Variants in TTLL11 observed in about 807,000 individuals in gnomAD.
TTLL11 encodes the protein tubulin tyrosine ligase like 11, also known as tubulin polyglutamylase TTLL11.
A neutral mutation model predicts 51.7 loss-of-function variants in TTLL11; 42 were observed. The ratio of observed to expected loss-of-function variants is 0.81; its 90% CI spans 0.64 to 1.05. The LOEUF (loss-of-function observed/expected upper bound fraction) is 1.05, where lower values mean the gene tolerates loss of function less well. Among genes scored for constraint, TTLL11 ranks in the 50% least tolerant of loss-of-function variants. TTLL11 has a pLI of 0.00. For missense variants in TTLL11, 799 were observed against 940.4 expected, an observed-to-expected ratio of 0.85 and a Z score of 1.97; for synonymous variants, 381 against 383.5, an observed-to-expected ratio of 0.99 and a Z score of 0.08.
intron 3 of TTLL11, among the ~76,000 whole-genome samples, chr9:122,027,225 C>T (rs1046160885): frequency 3.3e-5 from 5 of 152,138 alleles, no homozygotes; most frequent in Admixed American, 2.0e-4. Flanking sequence ...CTATGCAACA[C>T]CAAGGGGGGA....
rs554449285 is a variant in TTLL11 at position 122,061,321 on chromosome 9, CT to C, written c.463-21954del. 4.0e-3 allele frequency among the ~76,000 whole-genome samples: 609 copies of C among 152,224 alleles called. 2 individuals are homozygous for C. The highest frequency in any genetic ancestry group is 0.014 in the African/African-American group (587 of 41,532). ...GATACTGGTTAGGGCTTGGACATAT[CT>C]TTTTTTGGGGGGGCACAATTCAACC... On this transcript the variant is annotated intron_variant, in intron 1 of 8. Coordinates refer to ENST00000321582, the MANE Select transcript of TTLL11 (RefSeq NM_001139442.2).
chr9:122,000,608 G>A (rs555978711), intron 3 of TTLL11, among the ~76,000 whole-genome samples: 22 of 150,306 alleles, frequency 1.5e-4, no homozygotes, highest in East Asian at 6.0e-4. Context: ...TCCCACCAGC[G>A]CCATGACAGT....
intron 6 of TTLL11, among the ~76,000 whole-genome samples, chr9:121,874,414 G>A (rs1838487206): frequency 6.6e-6 from 1 of 152,148 alleles, no homozygotes; most frequent in African/African-American, 2.4e-5. Context: ...AGTAAGTCAT[G>A]CTCTTTGTAG....
chr9:121,835,622 C>T (rs913806764), intron 8 of TTLL11, among the ~76,000 whole-genome samples: 3 of 152,234 alleles, frequency 2.0e-5, no homozygotes, highest in South Asian at 2.1e-4. Flanking sequence ...TCATTACCCC[C>T]AGAAGCCAGC....
chr9:121,940,368 C>T (rs1326304716), intron 6 of TTLL11, among the ~76,000 whole-genome samples: 3 of 149,810 alleles, frequency 2.0e-5, no homozygotes, highest in African/African-American at 7.4e-5. Flanking sequence ...GATGGAATCT[C>T]GCTCTGTTGC....
intron 6 of TTLL11, among the ~76,000 whole-genome samples, chr9:121,900,878 G>A (rs564558484): frequency 8.6e-5 from 13 of 151,958 alleles, no homozygotes; most frequent in African/African-American, 3.1e-4. Flanking sequence ...GTACTATCAC[G>A]GCTCACTGCA....
At chr9:122,030,776 C>CAAAAAA (rs35456581) in intron 3 of TTLL11, among the ~76,000 whole-genome samples, 8 of 69,318 alleles carry the variant, frequency 1.2e-4, no homozygotes, top group Non-Finnish European at 1.1e-4. Context: ...ACAAAAAATA[C>CAAAAAA]AAAAAAAAAA....
chr9:121,920,466 T>C (rs1840493493), intron 6 of TTLL11, among the ~76,000 whole-genome samples: 2 of 152,136 alleles, frequency 1.3e-5, no homozygotes, highest in Non-Finnish European at 1.5e-5. Flanking sequence ...GCTCCATATC[T>C]CTCTGGTAAA....
chr9:121,879,761 A>AACAAG (rs1564285586), intron 6 of TTLL11, among the ~76,000 whole-genome samples: 2,566 of 64,540 alleles, frequency 0.04, 366 homozygotes, highest in East Asian at 0.059. Context: ...GAAGCCCTGA[A>AACAAG]TCTAGACCAG....
chr9:121,929,774 C>T (rs1840898914), intron 6 of TTLL11, among the ~76,000 whole-genome samples: 2 of 152,348 alleles, frequency 1.3e-5, no homozygotes, highest in South Asian at 4.1e-4. Flanking sequence ...AGGACCGGCC[C>T]TCTGCCCCTC....
At chr9:122,041,973 G>GAA (rs956428745) in intron 1 of TTLL11, among the ~76,000 whole-genome samples, 1 of 109,582 alleles carries the variant, frequency 9.1e-6, no homozygotes, top group Non-Finnish European at 2.0e-5. Context: ...AAACAATCTT[G>GAA]AAAAAAAAAA....
rs1339967883 is a variant in TTLL11, at chr9:121,817,510, T to C, written c.*5077A>G. On this transcript the variant is annotated 3_prime_UTR_variant, in exon 9 of 9. Transcript: ENST00000321582. ...TGATCTCGTCTTATGCTCCCAAAGA[T>C]CAAGTGAGACAGGACTTGCCACTCT... 1 of 152,166 alleles carries C rather than the reference T, an allele frequency of 6.6e-6. No homozygotes were observed. The highest frequency in any genetic ancestry group is 2.4e-5 in the African/African-American group (1 of 41,428). 9.4% of individuals were successfully genotyped at this position (152,166 alleles called of 1,614,324 possible).
chr9:122,079,224 C>A (rs1360098496), intron 1 of TTLL11, among the ~76,000 whole-genome samples: 3 of 152,128 alleles, frequency 2.0e-5, no homozygotes, highest in African/African-American at 7.2e-5. Flanking sequence ...TTCTCCACAA[C>A]CCTGCCAACA....
intron 6 of TTLL11, among the ~76,000 whole-genome samples, chr9:121,933,262 G>A (rs769323169): frequency 3.9e-5 from 6 of 152,122 alleles, no homozygotes; most frequent in African/African-American, 9.7e-5. Flanking sequence ...CATAGATGCC[G>A]GGAAAGAGAA....
chr9:122,028,163 GATAAA>G (rs1844409562), intron 3 of TTLL11, among the ~76,000 whole-genome samples: 1 of 152,124 alleles, frequency 6.6e-6, no homozygotes, highest in East Asian at 1.9e-4. Flanking sequence ...CGAAAGAAGA[GATAAA>G]ATAAAACACT....
intron 1 of TTLL11, among the ~76,000 whole-genome samples, chr9:122,082,756 G>C (rs905654275): frequency 2.0e-5 from 3 of 152,140 alleles, no homozygotes; most frequent in Admixed American, 1.3e-4. Flanking sequence ...ATATCTGCTG[G>C]GTACAGTGGC....
At chr9:122,072,668 C>T (rs1300929934) in intron 1 of TTLL11, among the ~76,000 whole-genome samples, 1 of 152,022 alleles carries the variant, frequency 6.6e-6, no homozygotes, top group Admixed American at 6.6e-5. Context: ...TTGCAGTCTC[C>T]TAAACACCCA....
chr9:121,869,153 A>C (rs1170667573), intron 7 of TTLL11, among the ~76,000 whole-genome samples: 2 of 152,196 alleles, frequency 1.3e-5, no homozygotes, highest in Non-Finnish European at 2.9e-5. Context: ...CCTGAAACTA[A>C]CGCAAAGCCC....
Position 122,016,596 on chromosome 9 carries a change from CGTT to C in TTLL11, c.693+15124_693+15126del, listed in dbSNP as rs536409836. Among the ~76,000 whole-genome samples, 76 of 152,272 alleles carry C rather than the reference CGTT, an allele frequency of 5.0e-4. 1 individual carries two copies. The highest frequency in any genetic ancestry group is 1.7e-3 in the African/African-American group (71 of 41,550). ...CCTGGTTCCTAAACCCAGCGGAGGA[CGTT>C]GTTCTCTGGGGGTTTTTGCAAATAA... On this transcript the variant is annotated intron_variant, in intron 3 of 8. Transcript: ENST00000321582.
Sources: allele counts gnomAD v4.1 joint callset (sites outside exome capture counted in the v4.1 genomes callset), GRCh38; gene constraint gnomAD v4.1.1; transcripts MANE v1.5; gene names NCBI Gene and HGNC (gene_info 2026-07-23, HGNC 2026-07-21).